Variants in ABCA12 observed in about 807,000 individuals in gnomAD.
ABCA12 encodes the protein ATP binding cassette subfamily A member 12.
A neutral mutation model predicts 293.5 loss-of-function variants in ABCA12; 156 were observed. The observed-to-expected ratio is 0.53, with a 90% confidence interval of 0.47 to 0.61. The LOEUF is 0.61. Ranked by LOEUF, ABCA12 falls within the 20% of genes least tolerant of loss-of-function variation. ABCA12 has a pLI of 0.00. For synonymous variants in ABCA12, 1,063 were observed against 1,108.0 expected, an observed-to-expected ratio of 0.96 and a Z score of 0.81; for missense variants, 2,797 against 3,090.2, an observed-to-expected ratio of 0.91 and a Z score of 2.25.
Position 214,932,717 on chromosome 2 carries a change from G to A in ABCA12, c.7705C>T (p.Gln2569Ter), listed in dbSNP as rs1161174998. Residue 2569 changes from glutamine (Q) to a stop codon, truncating the protein, a stop_gained, in exon 53 of 53, where the codon CAG becomes TAG. Transcript: ENST00000272895. LOFTEE classifies it high-confidence loss of function. ...EEVFINFAKD[Q>*]KSYETADTSS... Reference sequence around the variant, plus strand: ...GTATCAGCAGTTTCATAGGACTTCTGGTCTTTGGCAAAGTTGATGAAAACC... The same window carrying A: ...GTATCAGCAGTTTCATAGGACTTCTAGTCTTTGGCAAAGTTGATGAAAACC... The A allele has an allele frequency of 1.9e-6, 3 of 1,613,302 alleles. No individual in the cohort carries two copies. The highest frequency in any genetic ancestry group is 2.5e-6 in the Non-Finnish European group (3 of 1,179,684).
intron 2 of ABCA12, among the ~76,000 whole-genome samples, chr2:215,089,525 G>A (rs932713033): frequency 6.6e-6 from 1 of 152,186 alleles, no homozygotes; most frequent in Non-Finnish European, 1.5e-5. Context: ...TACTACTGCA[G>A]GGAGCAGAAT....
At chr2:215,112,875 GAA>G (rs1385100198) in intron 1 of ABCA12, among the ~76,000 whole-genome samples, 1 of 152,012 alleles carries the variant, frequency 6.6e-6, no homozygotes, top group Non-Finnish European at 1.5e-5. Flanking sequence ...GATTCAGTTT[GAA>G]AAACACTAAC....
At chr2:214,991,060 G>A (rs762210261) in intron 23 of ABCA12, 29 bp from the exon 24 acceptor site, 21 of 1,579,170 alleles carry the variant, frequency 1.3e-5, no homozygotes, top group Non-Finnish European at 1.8e-5. Flanking sequence ...TGAGGCGCTT[G>A]TTATGCTGAT....
intron 2 of ABCA12, among the ~76,000 whole-genome samples, chr2:215,106,445 C>T (rs1056179831): frequency 1.3e-5 from 2 of 152,164 alleles, no homozygotes; most frequent in Admixed American, 6.5e-5. Context: ...GGACCGCCAT[C>T]GGTGACACCC....
In ABCA12 at chr2:215,045,820, T is replaced by C; in HGVS notation, c.872+17A>G. The C allele has an allele frequency of 6.2e-7, 1 of 1,608,288 alleles. No individual in the cohort carries two copies. The highest frequency in any genetic ancestry group is 8.5e-7 in the Non-Finnish European group (1 of 1,175,614). ...TTGTGAACACTAATATTACATTTAA[T>C]TCTTACATTTTCTTACCTGTTTGCC... On this transcript the variant is annotated intron_variant, in intron 7 of 52. Transcript: ENST00000272895.
At chr2:215,052,708 A>G in intron 4 of ABCA12, 124 bp from the exon 5 acceptor site, 2 of 818,214 alleles carry the variant, frequency 2.4e-6, no homozygotes, top group South Asian at 1.4e-5. Flanking sequence ...GTGCTCAAAC[A>G]TGCCTCTTCC....
At chr2:215,003,157 G>C (rs896879349) in intron 20 of ABCA12, among the ~76,000 whole-genome samples, 9 of 152,180 alleles carry the variant, frequency 5.9e-5, no homozygotes, top group African/African-American at 2.2e-4. Context: ...TGCCAGGGAG[G>C]GGGAGGGGCG....
At chr2:214,970,191 A>AT (rs1333108212) in intron 37 of ABCA12, 82 bp downstream of exon 37, 12 of 1,381,410 alleles carry the variant, frequency 8.7e-6, no homozygotes, top group Non-Finnish European at 1.2e-5. Flanking sequence ...AACAATAGAA[A>AT]TTTGTATCTA....
chr2:215,128,412 T>C (rs1702975067), intron 1 of ABCA12, among the ~76,000 whole-genome samples: 1 of 152,226 alleles, frequency 6.6e-6, no homozygotes, highest in African/African-American at 2.4e-5. Context: ...TTTAGAATTC[T>C]CTTCTTCCTT....
rs1237984371 is a variant in ABCA12, at chr2:215,100,535, A to G, written c.163+11062T>C. On this transcript the variant is annotated intron_variant, in intron 2 of 52. Transcript: ENST00000272895. Reference sequence around the variant, plus strand: ...CAATTGTTACATGTCACTATTAATCAATGAATATTTGAGTTCCCATTATGT... The same window carrying G: ...CAATTGTTACATGTCACTATTAATCGATGAATATTTGAGTTCCCATTATGT... Among the ~76,000 whole-genome samples the G allele has an allele frequency of 2.0e-5, 3 of 149,906 alleles. No individual in the cohort carries two copies. The Admixed American group carries it at 2.0e-4, about 10-fold the overall frequency.
At chr2:214,967,181 C>A (rs1699281357) in intron 38 of ABCA12, among the ~76,000 whole-genome samples, 1 of 152,046 alleles carries the variant, frequency 6.6e-6, no homozygotes, top group Non-Finnish European at 1.5e-5. Flanking sequence ...CTGTGGATAG[C>A]ACTAAATTAT....
chr2:215,087,083 C>T (rs1407030306), intron 2 of ABCA12, among the ~76,000 whole-genome samples: 1 of 152,084 alleles, frequency 6.6e-6, no homozygotes, highest in African/African-American at 2.4e-5. Flanking sequence ...GCTGGGATTA[C>T]AGGCATGCAC....
At chr2:215,017,167 T>C (rs866227089) in intron 14 of ABCA12, among the ~76,000 whole-genome samples, 2 of 152,212 alleles carry the variant, frequency 1.3e-5, no homozygotes, top group Non-Finnish European at 2.9e-5. Flanking sequence ...TTAAAGGCTT[T>C]TTAGAAACTA....
At chr2:214,960,051 A>T (rs1330281301) in intron 39 of ABCA12, among the ~76,000 whole-genome samples, 1 of 152,196 alleles carries the variant, frequency 6.6e-6, no homozygotes, top group African/African-American at 2.4e-5. Flanking sequence ...GCCCTTGCAC[A>T]GCACTGAATA....
chr2:214,967,051 G>T, intron 38 of ABCA12, 98 bp from the exon 39 acceptor site: 2 of 962,858 alleles, frequency 2.1e-6, no homozygotes, highest in Non-Finnish European at 1.6e-6. Flanking sequence ...TAAAATAAGA[G>T]CATCAATTTT....
intron 13 of ABCA12, 97 bp downstream of exon 13, chr2:215,019,239 G>T: frequency 1.8e-6 from 2 of 1,102,052 alleles, no homozygotes; most frequent in East Asian, 2.4e-5. Context: ...AGCAAAGCGA[G>T]TTTGGTTGGG....
intron 2 of ABCA12, chr2:215,075,839 A>C (rs1002944952): frequency 4.8e-6 from 2 of 413,160 alleles, no homozygotes; most frequent in Non-Finnish European, 8.5e-6. Context: ...GTGTAAAACT[A>C]AAAGCCAGTG....
At chr2:215,028,073 T>C (rs1267018634) in intron 9 of ABCA12, among the ~76,000 whole-genome samples, 1 of 152,242 alleles carries the variant, frequency 6.6e-6, no homozygotes, top group Non-Finnish European at 1.5e-5. Flanking sequence ...TTGAATTTTA[T>C]GTAAAGATAG....
chr2:214,966,552 GTTTAAAAATA>G (rs759635154), intron 39 of ABCA12, among the ~76,000 whole-genome samples: 3 of 152,048 alleles, frequency 2.0e-5, no homozygotes, highest in Non-Finnish European at 2.9e-5. Context: ...CAAGCACGTC[GTTTAAAAATA>G]TTTTTCTATA....
Sources: gnomAD v4.1 joint callset for allele counts (sites outside exome capture counted in the v4.1 genomes callset) on GRCh38, gnomAD v4.1.1 for gene constraint, MANE v1.5 for transcripts, NCBI Gene and HGNC (gene_info 2026-07-23, HGNC 2026-07-21) for gene names.